The following ULK4 variants were observed in gnomAD, a reference collection of about 807,000 sequenced individuals.
ULK4 encodes the protein unc-51 like kinase 4, also known as inactive serine/threonine-protein kinase ULK4.
ULK4 carries 133 observed loss-of-function variants against 160.6 expected under a neutral mutation model. The observed-to-expected ratio is 0.83, with a 90% CI of 0.72 to 0.96. ULK4 has a LOEUF of 0.96. Ranked by LOEUF, ULK4 falls within the 40% of genes least tolerant of loss-of-function variation. The probability of loss-of-function intolerance (pLI) is 0.00; values close to 1 mark genes in which losing one functional copy is unlikely to be tolerated. For missense variants in ULK4, 1,580 were observed against 1,499.5 expected, an observed-to-expected ratio of 1.05 and a Z score of -0.89; for synonymous variants, 534 against 539.8, an observed-to-expected ratio of 0.99 and a Z score of 0.15.
intron 35 of ULK4, among the ~76,000 whole-genome samples, chr3:41,321,526 G>T (rs1276244053): frequency 6.6e-6 from 1 of 152,056 alleles, no homozygotes; most frequent in Non-Finnish European, 1.5e-5. Flanking sequence ...CACCACCCAG[G>T]AATGTGAGGC....
At chr3:41,490,578 T>C (rs556935984) in intron 32 of ULK4, among the ~76,000 whole-genome samples, 3 of 152,284 alleles carry the variant, frequency 2.0e-5, no homozygotes, top group Admixed American at 6.5e-5. Flanking sequence ...CATATACTGC[T>C]TTTTATCCTT....
intron 18 of ULK4, among the ~76,000 whole-genome samples, chr3:41,824,165 A>T (rs200431824): frequency 8.9e-4 from 106 of 119,530 alleles, no homozygotes; most frequent in Non-Finnish European, 7.5e-4. Context: ...TCTATCTTTA[A>T]AAAAAAAAAA....
chr3:41,848,157 T>C (rs1397299196), intron 17 of ULK4, among the ~76,000 whole-genome samples: 1 of 152,206 alleles, frequency 6.6e-6, no homozygotes. Flanking sequence ...TGCTATCTTG[T>C]CACTTCCCTG....
chr3:41,805,132 A>G (rs2040600714), intron 19 of ULK4, among the ~76,000 whole-genome samples: 1 of 152,176 alleles, frequency 6.6e-6, no homozygotes, highest in Non-Finnish European at 1.5e-5. Context: ...ATGTTCTTCC[A>G]TTTGTTTGTA....
intron 35 of ULK4, among the ~76,000 whole-genome samples, chr3:41,360,675 A>G (rs2081124125): frequency 6.6e-6 from 1 of 152,170 alleles, no homozygotes. Context: ...ACAGAAAACC[A>G]AATACCACGT....
At chr3:41,483,312 A>C (rs150480770) in intron 32 of ULK4, among the ~76,000 whole-genome samples, 304 of 152,308 alleles carry the variant, frequency 2.0e-3, no homozygotes, top group African/African-American at 6.8e-3. Flanking sequence ...TCTTTAAATA[A>C]CACATTTGCT....
intron 22 of ULK4, among the ~76,000 whole-genome samples, chr3:41,738,492 C>T (rs1352677623): frequency 6.6e-6 from 1 of 151,914 alleles, no homozygotes; most frequent in East Asian, 1.9e-4. Context: ...ATCTTGACAT[C>T]CCACCAAACA....
chr3:41,378,156 T>C (rs1374446338), intron 35 of ULK4, among the ~76,000 whole-genome samples: 5 of 140,982 alleles, frequency 3.5e-5, no homozygotes, highest in Non-Finnish European at 3.0e-5. Flanking sequence ...TTCTCACTTA[T>C]AGGTGGGAAT....
intron 32 of ULK4, among the ~76,000 whole-genome samples, chr3:41,501,597 A>G (rs1485916045): frequency 2.0e-5 from 3 of 152,202 alleles, no homozygotes; most frequent in African/African-American, 4.8e-5. Flanking sequence ...ATATATGTAT[A>G]TATTATGGAA....
chr3:41,721,230 G>A (rs2037441697), intron 22 of ULK4, among the ~76,000 whole-genome samples: 1 of 126,718 alleles, frequency 7.9e-6, no homozygotes, highest in Admixed American at 8.5e-5. Context: ...GGTAATGGAA[G>A]CAGATGAGAA....
intron 19 of ULK4, among the ~76,000 whole-genome samples, chr3:41,818,827 G>A (rs1288753452): frequency 2.6e-5 from 4 of 152,218 alleles, no homozygotes; most frequent in Non-Finnish European, 5.9e-5. Flanking sequence ...CAACCTTTTA[G>A]GTTGGTTTCT....
chr3:41,336,503 G>A (rs1209905382), intron 35 of ULK4, among the ~76,000 whole-genome samples: 1 of 152,188 alleles, frequency 6.6e-6, no homozygotes, highest in Non-Finnish European at 1.5e-5. Context: ...TCTCCTCACT[G>A]ACTCTAAGGG....
intron 31 of ULK4, among the ~76,000 whole-genome samples, chr3:41,601,887 T>C (rs771863343): frequency 2.0e-5 from 3 of 152,016 alleles, no homozygotes; most frequent in Non-Finnish European, 4.4e-5. Context: ...CAAAACAAAA[T>C]ACTATAGAAA....
At chr3:41,675,216 GCGA>G (rs2035672072) in intron 29 of ULK4, among the ~76,000 whole-genome samples, 3 of 151,944 alleles carry the variant, frequency 2.0e-5, no homozygotes, top group Non-Finnish European at 4.4e-5. Context: ...CTCCAGCCTG[GCGA>G]CAAAGCAAGA....
chr3:41,702,066 A>G (rs1379783623), intron 27 of ULK4, among the ~76,000 whole-genome samples: 1 of 152,236 alleles, frequency 6.6e-6, no homozygotes, highest in Non-Finnish European at 1.5e-5. Flanking sequence ...ACCAACAATT[A>G]CAGTGTGTAA....
At chr3:41,826,613 C>T (rs1472591738) in intron 18 of ULK4, among the ~76,000 whole-genome samples, 3 of 145,878 alleles carry the variant, frequency 2.1e-5, no homozygotes, top group Non-Finnish European at 3.0e-5. Flanking sequence ...AGCTAACTAT[C>T]CTAAATACAT....
chr3:41,506,671 A>C (rs1220331575), intron 32 of ULK4, among the ~76,000 whole-genome samples: 2 of 149,276 alleles, frequency 1.3e-5, no homozygotes, highest in Non-Finnish European at 3.0e-5. Context: ...TCAGTCCTTC[A>C]CTAATGAATC....
At chr3:41,694,698 A>T (rs1198422824) in intron 27 of ULK4, among the ~76,000 whole-genome samples, 2 of 152,218 alleles carry the variant, frequency 1.3e-5, no homozygotes, top group Non-Finnish European at 2.9e-5. Flanking sequence ...ACCTTAAATC[A>T]TCTCTAGGTG....
chr3:41,638,092 A>G (rs2034032975), intron 30 of ULK4, among the ~76,000 whole-genome samples: 2 of 152,144 alleles, frequency 1.3e-5, no homozygotes, highest in African/African-American at 4.8e-5. Context: ...GAGTTCAAAG[A>G]TATACCAATT....
Sources: gnomAD v4.1 joint callset for allele counts (sites outside exome capture counted in the v4.1 genomes callset) on GRCh38, gnomAD v4.1.1 for gene constraint, MANE v1.5 for transcripts, NCBI Gene and HGNC (gene_info 2026-07-23, HGNC 2026-07-21) for gene names.